The following UBR7 variants were observed in gnomAD, a reference collection of about 807,000 sequenced individuals.
The protein encoded by UBR7 is ubiquitin protein ligase E3 component n-recognin 7.
UBR7 carries 22 observed loss-of-function variants against 57.0 expected under a neutral mutation model. The observed-to-expected ratio is 0.39, with a 90% CI of 0.28 to 0.55. The LOEUF (loss-of-function observed/expected upper bound fraction) is 0.55, where lower values mean the gene tolerates loss of function less well. Ranked by LOEUF, UBR7 falls within the 20% of genes least tolerant of loss-of-function variation. The pLI is 0.69. For missense variants in UBR7, 395 were observed against 513.2 expected (o/e 0.77, Z 2.23); for synonymous variants, 167 against 179.8 (o/e 0.93, Z 0.57).
chr14:93,208,818 A>G (rs1157033601), intron 1 of UBR7, among the ~76,000 whole-genome samples: 1 of 151,830 alleles, frequency 6.6e-6, no homozygotes, highest in Non-Finnish European at 1.5e-5. Flanking sequence ...TCTTTTTGAG[A>G]TGGAATTTCA....
chr14:93,226,083 G>A (rs533369080), intron 10 of UBR7, among the ~76,000 whole-genome samples: 1 of 152,206 alleles, frequency 6.6e-6, no homozygotes, highest in Non-Finnish European at 1.5e-5. Flanking sequence ...CAGTATTACT[G>A]TTGGTGCTTA....
intron 3 of UBR7, 106 bp downstream of exon 3, chr14:93,210,814 T>TA (rs1370274539): frequency 2.1e-6 from 2 of 967,682 alleles, no homozygotes; most frequent in East Asian, 5.2e-5. Context: ...AAGAAGTTCT[T>TA]ATGCTTATTC....
intron 7 of UBR7, 115 bp downstream of exon 7, chr14:93,218,850 T>C: frequency 9.1e-7 from 1 of 1,099,712 alleles, no homozygotes; most frequent in Non-Finnish European, 1.3e-6. Flanking sequence ...AGGTCACGGG[T>C]TTGAGACCAG....
At chr14:93,221,851 C>T (rs751876359) in intron 9 of UBR7, among the ~76,000 whole-genome samples, 37 of 151,946 alleles carry the variant, frequency 2.4e-4, no homozygotes, top group Non-Finnish European at 2.9e-4. Context: ...GGCATGGTGG[C>T]GCGTGCCTGT....
chr14:93,227,883 C>T lies in UBR7; in HGVS notation c.*848C>T, dbSNP rs754005972. ...ACCCCTGTGAAATCTTGGTGGTTTACGAAGTCCTCTGGATTTCTTGATATT... is the reference window on the plus strand; with the variant it reads ...ACCCCTGTGAAATCTTGGTGGTTTATGAAGTCCTCTGGATTTCTTGATATT... On this transcript the variant is annotated 3_prime_UTR_variant, in exon 11 of 11. Coordinates refer to ENST00000013070, the MANE Select transcript of UBR7 (RefSeq NM_175748.4). The T allele has an allele frequency of 1.0e-5, 7 of 700,616 alleles. No individual in the cohort carries two copies. Among genetic ancestry groups the T allele is most frequent in the South Asian group, 3.0e-5 (2 of 67,498 alleles). 43.4% of individuals were successfully genotyped at this position (700,616 alleles called of 1,614,324 possible).
intron 5 of UBR7, 59 bp from the exon 6 acceptor site, chr14:93,215,117 A>G: frequency 6.8e-7 from 1 of 1,481,198 alleles, no homozygotes; most frequent in Non-Finnish European, 9.2e-7. Flanking sequence ...TTATAAAATA[A>G]TGGGCATTTT....
intron 4 of UBR7, among the ~76,000 whole-genome samples, chr14:93,212,352 C>T (rs539505183): frequency 2.2e-4 from 33 of 152,316 alleles, no homozygotes; most frequent in African/African-American, 7.5e-4. Context: ...AGAGGACTTT[C>T]CCAAAGCCAG....
chr14:93,219,522 T>C (rs1282801059), intron 8 of UBR7, among the ~76,000 whole-genome samples, 161 bp downstream of exon 8: 1 of 152,206 alleles, frequency 6.6e-6, no homozygotes, highest in African/African-American at 2.4e-5. Context: ...TAGGAGACCC[T>C]CCAAATTTTT....
intron 8 of UBR7, among the ~76,000 whole-genome samples, chr14:93,219,835 T>C (rs1152436): frequency 0.37 from 55,483 of 151,944 alleles, 10,719 homozygotes; most frequent in South Asian, 0.46. Context: ...ATTAGCTGGG[T>C]GTGGTGGCAC....
At chr14:93,214,164 C>T (rs984450338) in intron 4 of UBR7, among the ~76,000 whole-genome samples, 1 of 152,054 alleles carries the variant, frequency 6.6e-6, no homozygotes, top group Non-Finnish European at 1.5e-5. Flanking sequence ...TGACCTCAGG[C>T]GATCCACCCA....
At chr14:93,219,025 AG>A (rs1165695086) in intron 7 of UBR7, among the ~76,000 whole-genome samples, 186 bp from the exon 8 acceptor site, 1 of 151,904 alleles carries the variant, frequency 6.6e-6, no homozygotes, top group Non-Finnish European at 1.5e-5. Flanking sequence ...ACTGCACTCT[AG>A]CCTGGGCAAC....
chr14:93,219,929 C>A (rs952611019), intron 8 of UBR7, among the ~76,000 whole-genome samples: 14 of 151,318 alleles, frequency 9.3e-5, no homozygotes, highest in African/African-American at 3.2e-4. Context: ...GAGTCGAGAT[C>A]ATGCCATTGC....
chr14:93,227,873 T>G lies in UBR7; in HGVS notation c.*838T>G. ...ACCGGGTCTCACCCCTGTGAAATCT[T>G]GGTGGTTTACGAAGTCCTCTGGATT... On this transcript the variant is annotated 3_prime_UTR_variant, in exon 11 of 11. Transcript: ENST00000013070. The G allele has an allele frequency of 2.9e-6, 2 of 700,862 alleles. No homozygotes were observed. The highest frequency in any genetic ancestry group is 5.2e-6 in the Non-Finnish European group (2 of 384,810). 43.4% of individuals were successfully genotyped at this position (700,862 alleles called of 1,614,324 possible). A position where few individuals can be genotyped will look rare whatever the true frequency, so the allele number is the denominator to read the frequency against.
intron 10 of UBR7, among the ~76,000 whole-genome samples, chr14:93,225,210 G>C (rs1277583364): frequency 6.6e-6 from 1 of 152,046 alleles, no homozygotes; most frequent in African/African-American, 2.4e-5. Flanking sequence ...TTGCCATAAA[G>C]CTTATCTGCT....
chr14:93,211,699 AAAAGAAGTACCTTG>A (rs1171541025), intron 3 of UBR7, among the ~76,000 whole-genome samples: 1 of 152,176 alleles, frequency 6.6e-6, no homozygotes, highest in East Asian at 1.9e-4. Context: ...TCAAAAAGAA[AAAAGAAGTACCTTG>A]AAATTCCAGG....
At chr14:93,213,335 T>C (rs1010953799) in intron 4 of UBR7, among the ~76,000 whole-genome samples, 10 of 149,552 alleles carry the variant, frequency 6.7e-5, no homozygotes, top group Admixed American at 2.0e-4. Flanking sequence ...TCAGACGGAG[T>C]CTCGCTCTGT....
Position 93,210,717 on chromosome 14 carries a change from G to T in UBR7, c.345+9G>T, listed in dbSNP as rs1566820206. On this transcript the variant is annotated intron_variant, in intron 3 of 10. Coordinates refer to ENST00000013070, the MANE Select transcript of UBR7 (RefSeq NM_175748.4). The stretch of plus-strand genomic sequence containing the variant: ...AATGCAAATTACTTCCTGTAAGTAA[G>T]CACTGTAACTATAAATGCATTTAGA... The T allele has an allele frequency of 6.2e-7, 1 of 1,603,312 alleles. No individual in the cohort carries two copies. Among genetic ancestry groups the T allele is most frequent in the Non-Finnish European group, 8.5e-7 (1 of 1,172,436 alleles).
At position 93,207,391 on chromosome 14, in the gene UBR7, G is replaced by T; in HGVS notation, c.100G>T (p.Ala34Ser). The change falls in exon 1 of 11, where the codon GCG becomes TCG. Residue 34 changes from alanine (A) to serine (S), a missense_variant. Ala to Ser is a moderately conservative substitution (Grantham distance 99). Coordinates refer to ENST00000013070, the MANE Select transcript of UBR7 (RefSeq NM_175748.4). The stretch of plus-strand genomic sequence containing the variant: ...GGAGGACGAGGAGCTGGAGAATGAG[G>T]CGTGCGCTGTCCTGGGCGGCAGCGA... ...LEEDEELENE[A>S]CAVLGGSDSE... 1.3e-6 allele frequency: 2 copies of T among 1,555,296 alleles called. No individual in the cohort carries two copies. The highest frequency in any genetic ancestry group is 1.7e-6 in the Non-Finnish European group (2 of 1,150,754).
chr14:93,227,743 A>G lies in UBR7; in HGVS notation c.*708A>G, dbSNP rs1427569877. 1 of 700,700 alleles carries G rather than the reference A, an allele frequency of 1.4e-6. No individual in the cohort carries two copies. Among genetic ancestry groups the G allele is most frequent in the Non-Finnish European group, 2.6e-6 (1 of 384,818 alleles). The allele number at this position is 700,700 out of a possible 1,614,324, so 43.4% of individuals were successfully genotyped here. ...AGTTCAAGTGAAATTTTCGTTCATG[A>G]TTCTATTGGCACTAGAATTAGAATT... On this transcript the variant is annotated 3_prime_UTR_variant, in exon 11 of 11. Coordinates refer to ENST00000013070, the MANE Select transcript of UBR7 (RefSeq NM_175748.4).
Sources: allele counts gnomAD v4.1 joint callset (sites outside exome capture counted in the v4.1 genomes callset), GRCh38; gene constraint gnomAD v4.1.1; transcripts MANE v1.5; gene names NCBI Gene and HGNC (gene_info 2026-07-23, HGNC 2026-07-21).